The following ENAH variants were observed in gnomAD, a reference collection of about 807,000 sequenced individuals.
The protein encoded by ENAH is protein enabled homolog.
A neutral mutation model predicts 78.7 loss-of-function variants in ENAH; 23 were observed. That is an observed-to-expected ratio of 0.29 (90% CI 0.21 to 0.41). The LOEUF is 0.41. Ranked by LOEUF, ENAH falls within the 10% of genes least tolerant of loss-of-function variation. ENAH has a pLI of 1.00. For synonymous variants in ENAH, 226 were observed against 241.0 expected (o/e 0.94, Z 0.58); for missense variants, 544 against 691.0 (o/e 0.79, Z 2.39).
chr1:225,579,070 A>G (rs1025578943), intron 1 of ENAH, among the ~76,000 whole-genome samples: 8 of 152,204 alleles, frequency 5.3e-5, no homozygotes, highest in Admixed American at 2.6e-4. Context: ...AGGTACCGTT[A>G]ATATCCCCAT....
intron 1 of ENAH, among the ~76,000 whole-genome samples, chr1:225,642,278 T>C (rs1287432781): frequency 6.6e-6 from 1 of 151,862 alleles, no homozygotes; most frequent in Non-Finnish European, 1.5e-5. Context: ...ATCGCACCTC[T>C]TGATCTGTCC....
chr1:225,588,398 C>A (rs773933498), intron 1 of ENAH, among the ~76,000 whole-genome samples: 1 of 152,084 alleles, frequency 6.6e-6, no homozygotes, highest in Admixed American at 6.5e-5. Flanking sequence ...ATCAGGGAAA[C>A]GCCAGTTAAA....
At chr1:225,624,058 A>G (rs1469120908) in intron 1 of ENAH, among the ~76,000 whole-genome samples, 1 of 152,226 alleles carries the variant, frequency 6.6e-6, no homozygotes. Context: ...TGCTTAGGCT[A>G]ACGGCCTCCA....
intron 1 of ENAH, among the ~76,000 whole-genome samples, chr1:225,593,405 GGGGGGGGGGGGGT>G (rs1464298855): frequency 2.6e-5 from 3 of 116,844 alleles, no homozygotes; most frequent in African/African-American, 1.1e-4. Flanking sequence ...GTGTGTGGGG[GGGGGGGGGGGGGT>G]GGGGGGTGCC....
chr1:225,547,083 T>G (rs941913770), intron 3 of ENAH, among the ~76,000 whole-genome samples: 66 of 152,066 alleles, frequency 4.3e-4, no homozygotes, highest in African/African-American at 1.5e-3. Context: ...GTTTTGTTTT[T>G]TTTTTTGAGA....
intron 1 of ENAH, among the ~76,000 whole-genome samples, chr1:225,570,456 C>T (rs906615505): frequency 1.3e-5 from 2 of 151,674 alleles, no homozygotes; most frequent in African/African-American, 4.8e-5. Flanking sequence ...CCTGCCTCCC[C>T]TTCCACCTCC....
At chr1:225,599,623 T>C (rs939050563) in intron 1 of ENAH, among the ~76,000 whole-genome samples, 1 of 151,580 alleles carries the variant, frequency 6.6e-6, no homozygotes, top group African/African-American at 2.4e-5. Context: ...CTGACCAACA[T>C]GGTGAAACCC....
At chr1:225,630,880 C>T (rs1216474420) in intron 1 of ENAH, among the ~76,000 whole-genome samples, 2 of 152,076 alleles carry the variant, frequency 1.3e-5, no homozygotes, top group Non-Finnish European at 2.9e-5. Context: ...GGCAATATTA[C>T]CCCTGTTACA....
chr1:225,565,035 T>G (rs1418253932), intron 2 of ENAH, among the ~76,000 whole-genome samples: 4 of 152,202 alleles, frequency 2.6e-5, no homozygotes, highest in African/African-American at 9.6e-5. Flanking sequence ...TTTTAAATTT[T>G]TAAATGTTTT....
chr1:225,604,672 A>T (rs2096947741), intron 1 of ENAH, among the ~76,000 whole-genome samples: 1 of 151,276 alleles, frequency 6.6e-6, no homozygotes, highest in African/African-American at 2.4e-5. Context: ...GGGTGCCTGT[A>T]GTCCCAGCTA....
At chr1:225,632,231 G>A (rs1309801980) in intron 1 of ENAH, among the ~76,000 whole-genome samples, 1 of 152,180 alleles carries the variant, frequency 6.6e-6, no homozygotes, top group Non-Finnish European at 1.5e-5. Flanking sequence ...GGGTGCAGGG[G>A]CTCACACCTG....
intron 2 of ENAH, 22 bp downstream of exon 2, chr1:225,567,227 A>G (rs368954334): frequency 2.2e-5 from 35 of 1,602,832 alleles, no homozygotes; most frequent in Non-Finnish European, 2.9e-5. Context: ...CATTTTTAAC[A>G]ACAATTGTAG....
At chr1:225,513,052 G>T in intron 7 of ENAH, 36 bp from the exon 8 acceptor site, 6 of 1,522,562 alleles carry the variant, frequency 3.9e-6, no homozygotes, top group Non-Finnish European at 5.3e-6. Flanking sequence ...CAACTCCTAT[G>T]TTAGACAACC....
At chr1:225,599,616 A>C (rs571879054) in intron 1 of ENAH, among the ~76,000 whole-genome samples, 6 of 151,068 alleles carry the variant, frequency 4.0e-5, no homozygotes, top group African/African-American at 1.2e-4. Context: ...GACCAGCCTG[A>C]CCAACATGGT....
chr1:225,652,227 A>T, intron 1 of ENAH: 1 of 640,582 alleles, frequency 1.6e-6, no homozygotes, highest in Non-Finnish European at 1.9e-6. Context: ...CAGAGATTTC[A>T]GACCTTTCAA....
intron 1 of ENAH, among the ~76,000 whole-genome samples, chr1:225,596,956 CACA>C (rs2096904551): frequency 6.6e-6 from 1 of 152,144 alleles, no homozygotes; most frequent in Admixed American, 6.5e-5. Flanking sequence ...AACAAGTGGT[CACA>C]GCTGTTAGGT....
intron 3 of ENAH, among the ~76,000 whole-genome samples, chr1:225,553,247 A>G (rs1032249274): frequency 2.0e-4 from 31 of 152,298 alleles, no homozygotes; most frequent in African/African-American, 7.2e-4. Flanking sequence ...AAATAAATAA[A>G]TAAATTTGCA....
At chr1:225,509,552 A>C (rs1193728088) in intron 10 of ENAH, among the ~76,000 whole-genome samples, 1 of 152,152 alleles carries the variant, frequency 6.6e-6, no homozygotes, top group Non-Finnish European at 1.5e-5. Flanking sequence ...GAGGATCTTT[A>C]CTGGCATGCG....
rs371909875 is a variant in ENAH at position 225,625,362 on chromosome 1, ATGT to A, written c.5+27321_5+27323del. The stretch of plus-strand genomic sequence containing the variant: ...GCTCAGAGACTTTGCAAGAAATGAG[ATGT>A]TGTCTTACCAATTTTCTTTAAGAAA... On this transcript the variant is annotated intron_variant, in intron 1 of 13. Transcript: ENST00000366843. Among the ~76,000 whole-genome samples, 43 of 152,316 alleles carry A rather than the reference ATGT, an allele frequency of 2.8e-4. 1 individual carries two copies. The South Asian group carries it at 8.3e-3, about 29-fold the overall frequency.
Sources: gnomAD v4.1 joint callset for allele counts (sites outside exome capture counted in the v4.1 genomes callset) on GRCh38, gnomAD v4.1.1 for gene constraint, MANE v1.5 for transcripts, NCBI Gene and HGNC (gene_info 2026-07-23, HGNC 2026-07-21) for gene names.